NAB1: variants seen among roughly 807,000 people sequenced by gnomAD.
The protein encoded by NAB1 is NGFI-A-binding protein 1.
Under a neutral mutation model 49.9 loss-of-function variants are expected in NAB1, and 25 were observed. The observed-to-expected ratio is 0.50, with a 90% CI of 0.37 to 0.70. The LOEUF (loss-of-function observed/expected upper bound fraction) is 0.70, where lower values mean the gene tolerates loss of function less well. NAB1 is among the 30% of genes least tolerant of loss of function. The probability of loss-of-function intolerance (pLI) is 0.00; values close to 1 mark genes in which losing one functional copy is unlikely to be tolerated. For synonymous variants in NAB1, 198 were observed against 215.6 expected (o/e 0.92, Z 0.71); for missense variants, 489 against 575.9 (o/e 0.85, Z 1.54).
intron 4 of NAB1, among the ~76,000 whole-genome samples, chr2:190,668,980 T>C (rs978090146): frequency 6.6e-6 from 1 of 152,226 alleles, no homozygotes; most frequent in Non-Finnish European, 1.5e-5. Flanking sequence ...TAGAACAATA[T>C]GCCAGCATTA....
chr2:190,687,678 G>A (rs968092169), intron 9 of NAB1, among the ~76,000 whole-genome samples: 1 of 152,142 alleles, frequency 6.6e-6, no homozygotes, highest in Non-Finnish European at 1.5e-5. Context: ...CCTTGGAAGT[G>A]GTAGATTGCC....
intron 9 of NAB1, among the ~76,000 whole-genome samples, chr2:190,688,561 G>A (rs544083237): frequency 2.6e-5 from 4 of 151,692 alleles, no homozygotes; most frequent in East Asian, 3.9e-4. Context: ...TTTCAAAAAC[G>A]AACAAAAAAC....
At position 190,663,777 on chromosome 2, in the gene NAB1, A is replaced by T. The variant is rs541606753; in HGVS notation, c.819+3782A>T. Among the ~76,000 whole-genome samples, 1 of 152,124 alleles carries T rather than the reference A, an allele frequency of 6.6e-6. No individual in the cohort carries two copies. Among genetic ancestry groups the T allele is most frequent in the Non-Finnish European group, 1.5e-5 (1 of 68,010 alleles). ...AGCAATTAAAGTATAAATTTTCACT[A>T]TGTATTGATTCAGTGTTATTCCCAA... On this transcript the variant is annotated intron_variant, in intron 4 of 9. Transcript: ENST00000337386. The surrounding 1 kb of genome is among the most constrained non-coding windows in gnomAD (Gnocchi z 4.2).
rs1384765024 is a variant in NAB1, at chr2:190,651,024, GT to G, written c.-197+1049del. On this transcript the variant is annotated intron_variant, in intron 2 of 9. Coordinates refer to ENST00000337386, the MANE Select transcript of NAB1 (RefSeq NM_005966.4). The surrounding 1 kb of genome is among the most constrained non-coding windows in gnomAD (Gnocchi z 4.3). ...AATATGCCATTTCGAGATTAAAAAT[GT>G]TTTTTTCCCGACTCTGATGGTCTCT... is the stretch of plus-strand genomic sequence containing the variant. 2.0e-5 allele frequency among the ~76,000 whole-genome samples: 3 copies of G among 152,032 alleles called. No individual in the cohort carries two copies. The highest frequency in any genetic ancestry group is 2.1e-4 in the South Asian group (1 of 4,830).
chr2:190,685,391 G>T lies in NAB1; in HGVS notation c.1096-85G>T, dbSNP rs1695555853. 1 of 1,215,470 alleles carries T rather than the reference G, an allele frequency of 8.2e-7. No homozygotes were observed. Among genetic ancestry groups the T allele is most frequent in the Non-Finnish European group, 1.1e-6 (1 of 885,542 alleles). 75.3% of individuals were successfully genotyped at this position (1,215,470 alleles called of 1,614,324 possible). ...ATTTTAATGAATACTAAATATATTT[G>T]CTGGAGTCTGAAATTGGCATCTTTA... On this transcript the variant is annotated intron_variant, in intron 7 of 9. Coordinates refer to ENST00000337386, the MANE Select transcript of NAB1 (RefSeq NM_005966.4). The surrounding 1 kb of genome is among the most constrained non-coding windows in gnomAD (Gnocchi z 4.5).
rs1481152341 is a variant in NAB1, at chr2:190,670,036, T to C, written c.820-290T>C. ...GCGAGTTGCAGAATATTTTTTACTT[T>C]TTATTTTCCTTGTCGTCTATAAACT... On this transcript the variant is annotated intron_variant, in intron 4 of 9. Transcript: ENST00000337386. This position sits in a 1 kb window ranked among gnomAD's most constrained non-coding sequence, Gnocchi z 5.3. 6.6e-6 allele frequency among the ~76,000 whole-genome samples: 1 copy of C among 152,204 alleles called. No homozygotes were observed.
chr2:190,687,106 CT>C, intron 8 of NAB1, 94 bp from the exon 9 acceptor site: 1 of 581,136 alleles, frequency 1.7e-6, no homozygotes, highest in Non-Finnish European at 2.8e-6. Context: ...ACTCTCCTCA[CT>C]TTTTTCCTAA....
At chr2:190,687,111 T>C in intron 8 of NAB1, 90 bp from the exon 9 acceptor site, 3 of 608,636 alleles carry the variant, frequency 4.9e-6, no homozygotes, top group Non-Finnish European at 8.0e-6. Context: ...CCTCACTTTT[T>C]TCCTAAGGAG....
Position 190,685,620 on chromosome 2 carries a change from GAT to G in NAB1, c.1242_1243del (p.Asp414GlufsTer16). ...EEHSPNGLTS[D>X]NSDGQGERPL... ...GCACAGTCCTAACGGCTTGACTTCCGATAACTCAGATGGACAAGGTACATCTT... is the reference window on the plus strand; with the variant it reads ...GCACAGTCCTAACGGCTTGACTTCCGAACTCAGATGGACAAGGTACATCTT... On this transcript the variant is annotated frameshift_variant, in exon 8 of 10. Transcript: ENST00000337386. LOFTEE classifies it high-confidence loss of function. The surrounding 1 kb of genome is among the most constrained non-coding windows in gnomAD (Gnocchi z 4.5). 1.2e-6 allele frequency: 2 copies of G among 1,608,960 alleles called. No individual in the cohort carries two copies. Among genetic ancestry groups the G allele is most frequent in the Non-Finnish European group, 1.7e-6 (2 of 1,178,044 alleles).
At chr2:190,681,236 T>G (rs1695326168) in intron 6 of NAB1, among the ~76,000 whole-genome samples, 2 of 152,172 alleles carry the variant, frequency 1.3e-5, no homozygotes, top group African/African-American at 4.8e-5. Flanking sequence ...GTGATGAAGA[T>G]TAAATGAAAT....
In NAB1 at chr2:190,676,657, C is replaced by T. The variant is rs140044185; in HGVS notation, c.1005+3505C>T. Among the ~76,000 whole-genome samples, 589 of 152,178 alleles carry T rather than the reference C, an allele frequency of 3.9e-3. 2 individuals carry two copies. Among genetic ancestry groups the T allele is most frequent in the Middle Eastern group, 0.027 (8 of 294 alleles). ...ATCACTGCCCCACTGCACTCCAGCC[C>T]GGGCAACAGAGCACAACCTTGTCTC... On this transcript the variant is annotated intron_variant, in intron 6 of 9. Coordinates refer to ENST00000337386, the MANE Select transcript of NAB1 (RefSeq NM_005966.4). The surrounding 1 kb of genome is among the most constrained non-coding windows in gnomAD (Gnocchi z 4.6).
chr2:190,655,195 TACTG>T (rs1693856905), intron 2 of NAB1, among the ~76,000 whole-genome samples: 1 of 152,264 alleles, frequency 6.6e-6, no homozygotes, highest in Admixed American at 6.5e-5. Context: ...AAGTGAGTTT[TACTG>T]AATAACAGAA....
rs1480969846 is a variant in NAB1, at chr2:190,674,258, C to T, written c.1005+1106C>T. On this transcript the variant is annotated intron_variant, in intron 6 of 9. Coordinates refer to ENST00000337386, the MANE Select transcript of NAB1 (RefSeq NM_005966.4). This position sits in a 1 kb window ranked among gnomAD's most constrained non-coding sequence, Gnocchi z 5.7. ...ATCTCCTACCTTGTCTGCTGCCACACTCTCCATTCTTACTGTGTTCCAGCC... is the reference window on the plus strand; with the variant it reads ...ATCTCCTACCTTGTCTGCTGCCACATTCTCCATTCTTACTGTGTTCCAGCC... Among the ~76,000 whole-genome samples the T allele has an allele frequency of 6.6e-6, 1 of 152,170 alleles. No homozygotes were observed. The highest frequency in any genetic ancestry group is 1.5e-5 in the Non-Finnish European group (1 of 68,024).
intron 3 of NAB1, among the ~76,000 whole-genome samples, chr2:190,658,053 C>G (rs991920769): frequency 2.0e-5 from 3 of 152,162 alleles, no homozygotes; most frequent in Non-Finnish European, 4.4e-5. Context: ...CAACTGTGAA[C>G]AACTTTTAAA....
At position 190,654,652 on chromosome 2, in the gene NAB1, C is replaced by CTT. The variant is rs981313642; in HGVS notation, c.-196-1324_-196-1323insTT. 3.4e-5 allele frequency among the ~76,000 whole-genome samples: 1 copy of CTT among 29,028 alleles called. No individual in the cohort carries two copies. Among genetic ancestry groups the CTT allele is most frequent in the Non-Finnish European group, 1.9e-4 (1 of 5,232 alleles). 19.0% of individuals were successfully genotyped at this position (29,028 alleles called of 152,430 possible). A position where few individuals can be genotyped will look rare whatever the true frequency, so the allele number is the denominator to read the frequency against. On this transcript the variant is annotated intron_variant, in intron 2 of 9. Coordinates refer to ENST00000337386, the MANE Select transcript of NAB1 (RefSeq NM_005966.4). This position sits in a 1 kb window ranked among gnomAD's most constrained non-coding sequence, Gnocchi z 5.6. ...CTATATGAGTAGTTTGGATTTCTTTCTCTGCACTGGTGGAGAAGTTCGCAA... is the reference window on the plus strand; with the variant it reads ...CTATATGAGTAGTTTGGATTTCTTTCTTTCTGCACTGGTGGAGAAGTTCGCAA...
In NAB1 at chr2:190,651,599, C is replaced by T. The variant is rs1292075827; in HGVS notation, c.-197+1617C>T. On this transcript the variant is annotated intron_variant, in intron 2 of 9. Coordinates refer to ENST00000337386, the MANE Select transcript of NAB1 (RefSeq NM_005966.4). The surrounding 1 kb of genome is among the most constrained non-coding windows in gnomAD (Gnocchi z 4.3). ...GTCTCGCTGTGTTGCCCAGGTTGGCCTCAAACTCCTGGGGCCAAGGGATTA... is the reference window on the plus strand; with the variant it reads ...GTCTCGCTGTGTTGCCCAGGTTGGCTTCAAACTCCTGGGGCCAAGGGATTA... Among the ~76,000 whole-genome samples, 1 of 152,080 alleles carries T rather than the reference C, an allele frequency of 6.6e-6. No individual in the cohort carries two copies. Among genetic ancestry groups the T allele is most frequent in the Non-Finnish European group, 1.5e-5 (1 of 68,020 alleles).
Position 190,680,396 on chromosome 2 carries a change from G to A in NAB1, c.1006-3342G>A, listed in dbSNP as rs1208737381. Reference sequence around the variant, plus strand: ...TGTGCCCTGTTCTTTTTGCCTCCAGGCATCTGTACCAGCTGCTTTCTTTTG... The same window carrying A: ...TGTGCCCTGTTCTTTTTGCCTCCAGACATCTGTACCAGCTGCTTTCTTTTG... On this transcript the variant is annotated intron_variant, in intron 6 of 9. Transcript: ENST00000337386. This position sits in a 1 kb window ranked among gnomAD's most constrained non-coding sequence, Gnocchi z 5.2. Among the ~76,000 whole-genome samples, 2 of 152,044 alleles carry A rather than the reference G, an allele frequency of 1.3e-5. No homozygotes were observed. The highest frequency in any genetic ancestry group is 2.4e-5 in the African/African-American group (1 of 41,402).
intron 4 of NAB1, among the ~76,000 whole-genome samples, chr2:190,664,687 C>T (rs535334713): frequency 6.8e-6 from 1 of 146,416 alleles, no homozygotes; most frequent in Non-Finnish European, 1.5e-5. Flanking sequence ...CTGCTTCAGC[C>T]TCCCCAAGTG....
chr2:190,688,696 T>C (rs10490539), intron 9 of NAB1, among the ~76,000 whole-genome samples: 15,951 of 152,240 alleles, frequency 0.1, 1,530 homozygotes, highest in African/African-American at 0.25. Flanking sequence ...CATAGAGATA[T>C]AATTGATCTA....
Sources: allele counts gnomAD v4.1 joint callset (sites outside exome capture counted in the v4.1 genomes callset), GRCh38; gene constraint gnomAD v4.1.1; non-coding constraint Gnocchi (gnomAD v3.1); transcripts MANE v1.5; gene names NCBI Gene and HGNC (gene_info 2026-07-23, HGNC 2026-07-21).